Variants in GRM1 observed in about 807,000 individuals in gnomAD.
GRM1 encodes the protein metabotropic glutamate receptor 1.
GRM1 carries 33 observed loss-of-function variants against 90.9 expected under a neutral mutation model. The observed-to-expected ratio is 0.36, with a 90% CI of 0.28 to 0.49. The LOEUF (loss-of-function observed/expected upper bound fraction) is 0.49. Ranked by LOEUF, GRM1 falls within the 20% of genes least tolerant of loss-of-function variation. The probability of loss-of-function intolerance (pLI) is 0.99; values close to 1 mark genes in which losing one functional copy is unlikely to be tolerated. For missense variants in GRM1, 1,190 were observed against 1,534.3 expected (o/e 0.78, Z 3.75); for synonymous variants, 700 against 613.2 (o/e 1.14, Z -2.09).
At chr6:146,043,811 AAAGGGAAGTGACCTCCTCGTAGGTG>A (rs1791221081) in intron 1 of GRM1, among the ~76,000 whole-genome samples, 1 of 145,584 alleles carries the variant, frequency 6.9e-6, no homozygotes, top group South Asian at 2.1e-4. Flanking sequence ...ATATATATAT[AAAGGGAAGTGACCTCCTCGTAGGTG>A]TATATCTCAA....
chr6:146,130,502 A>G (rs1369390610), intron 1 of GRM1, among the ~76,000 whole-genome samples: 1 of 152,138 alleles, frequency 6.6e-6, no homozygotes, highest in Non-Finnish European at 1.5e-5. Flanking sequence ...TATTTAAAGT[A>G]CCATGGTAGG....
chr6:146,285,570 A>G (rs1281904883), intron 2 of GRM1, among the ~76,000 whole-genome samples: 1 of 152,162 alleles, frequency 6.6e-6, no homozygotes, highest in East Asian at 1.9e-4. Flanking sequence ...TTAGATTCAT[A>G]TTGTGCTCAG....
chr6:146,250,490 A>G (rs1781231764), intron 2 of GRM1, among the ~76,000 whole-genome samples: 1 of 152,162 alleles, frequency 6.6e-6, no homozygotes, highest in Non-Finnish European at 1.5e-5. Context: ...CCATGATGTG[A>G]AGAAGGTCCT....
intron 1 of GRM1, among the ~76,000 whole-genome samples, chr6:146,036,506 A>G (rs571312725): frequency 6.6e-6 from 1 of 152,100 alleles, no homozygotes; most frequent in African/African-American, 2.4e-5. Flanking sequence ...ATTGTTCTCT[A>G]TGAATGTCTA....
At chr6:146,303,504 G>T (rs937583142) in intron 2 of GRM1, among the ~76,000 whole-genome samples, 1 of 152,100 alleles carries the variant, frequency 6.6e-6, no homozygotes, top group African/African-American at 2.4e-5. Flanking sequence ...CTAGTTTCTT[G>T]CTAATTTCAG....
chr6:146,391,408 C>T (rs1776716375), intron 6 of GRM1, among the ~76,000 whole-genome samples: 1 of 151,998 alleles, frequency 6.6e-6, no homozygotes. Context: ...ACCTCAAGTT[C>T]CCAAGGTTCA....
intron 3 of GRM1, among the ~76,000 whole-genome samples, chr6:146,322,490 C>G (rs1219974327): frequency 6.6e-6 from 1 of 152,180 alleles, no homozygotes; most frequent in East Asian, 1.9e-4. Context: ...GAAGCTGGAC[C>G]CACAAGCTCC....
chr6:146,396,104 C>CTATCTGTCTATCTATCTATT (rs1554307314), intron 6 of GRM1, among the ~76,000 whole-genome samples: 1 of 146,898 alleles, frequency 6.8e-6, no homozygotes, highest in Non-Finnish European at 1.5e-5. Context: ...ATCTATCTAT[C>CTATCTGTCTATCTATCTATT]GTCTATATAT....
chr6:146,110,569 C>T (rs973949775), intron 1 of GRM1, among the ~76,000 whole-genome samples: 1 of 152,168 alleles, frequency 6.6e-6, no homozygotes, highest in African/African-American at 2.4e-5. Flanking sequence ...CATGTGGCTT[C>T]CCATCTGTTT....
At chr6:146,058,186 C>A (rs1775545592) in intron 1 of GRM1, among the ~76,000 whole-genome samples, 1 of 152,046 alleles carries the variant, frequency 6.6e-6, no homozygotes, top group Non-Finnish European at 1.5e-5. Flanking sequence ...ACATGATAAA[C>A]AGTTTCCTAA....
At chr6:146,261,343 C>G (rs1031378908) in intron 2 of GRM1, among the ~76,000 whole-genome samples, 1 of 151,938 alleles carries the variant, frequency 6.6e-6, no homozygotes, top group South Asian at 2.1e-4. Context: ...GCTGAAGTAC[C>G]CAAATGCCTT....
rs192919777 is a variant in GRM1, at chr6:146,292,263, C to A, written c.951-12348C>A. ...TAATTCTTAGCTATGACATCAAATG[C>A]ATTACCAATGAAAGAAAAAATAGAT... On this transcript the variant is annotated intron_variant, in intron 2 of 7. Transcript: ENST00000282753. 3.0e-3 allele frequency among the ~76,000 whole-genome samples: 456 copies of A among 151,934 alleles called. 4 individuals are homozygous for A. The highest frequency in any genetic ancestry group is 3.8e-3 in the Non-Finnish European group (261 of 67,820).
At chr6:146,317,821 A>G (rs984611838) in intron 3 of GRM1, among the ~76,000 whole-genome samples, 5 of 152,146 alleles carry the variant, frequency 3.3e-5, no homozygotes, top group Non-Finnish European at 5.9e-5. Flanking sequence ...TCATTGACCA[A>G]AGCAAGTTTT....
At chr6:146,322,810 G>T (rs1236415277) in intron 3 of GRM1, among the ~76,000 whole-genome samples, 1 of 151,452 alleles carries the variant, frequency 6.6e-6, no homozygotes, top group Non-Finnish European at 1.5e-5. Flanking sequence ...GTGTCCATGT[G>T]TTCTCATTGT....
At chr6:146,255,667 C>G (rs1781452596) in intron 2 of GRM1, among the ~76,000 whole-genome samples, 1 of 152,126 alleles carries the variant, frequency 6.6e-6, no homozygotes, top group African/African-American at 2.4e-5. Flanking sequence ...TTCAAACCAG[C>G]CTTCTCTACT....
chr6:146,316,219 C>T lies in GRM1; in HGVS notation c.1186+11373C>T, dbSNP rs1221792475. Among the ~76,000 whole-genome samples, 12 of 152,286 alleles carry T rather than the reference C, an allele frequency of 7.9e-5. No homozygotes were observed. In the East Asian group the frequency reaches 2.3e-3, roughly 29 times the overall value. On this transcript the variant is annotated intron_variant, in intron 3 of 7. Transcript: ENST00000282753. ...ACGTGTCTTGGCTCATGGCCCCCTTCCTTCATATCCAAAGCCAGGAACTTT... is the reference window on the plus strand; with the variant it reads ...ACGTGTCTTGGCTCATGGCCCCCTTTCTTCATATCCAAAGCCAGGAACTTT...
intron 7 of GRM1, among the ~76,000 whole-genome samples, chr6:146,412,157 C>T (rs1583462721): frequency 6.6e-6 from 1 of 152,304 alleles, no homozygotes; most frequent in Non-Finnish European, 1.5e-5. Flanking sequence ...GCAGCATTGT[C>T]AACGCTGTAT....
At chr6:146,155,306 A>G (rs1777483560) in intron 1 of GRM1, among the ~76,000 whole-genome samples, 2 of 152,176 alleles carry the variant, frequency 1.3e-5, no homozygotes, top group Non-Finnish European at 2.9e-5. Context: ...AGATACACAA[A>G]TACTTACCAC....
At chr6:146,221,278 GT>G (rs1449731410) in intron 2 of GRM1, among the ~76,000 whole-genome samples, 1 of 152,034 alleles carries the variant, frequency 6.6e-6, no homozygotes, top group Non-Finnish European at 1.5e-5. Flanking sequence ...TTCCATGGTG[GT>G]TTGCTGCACT....
Sources: gnomAD v4.1 joint callset for allele counts (sites outside exome capture counted in the v4.1 genomes callset) on GRCh38, gnomAD v4.1.1 for gene constraint, MANE v1.5 for transcripts, NCBI Gene and HGNC (gene_info 2026-07-23, HGNC 2026-07-21) for gene names.